The following ANKRD44 variants were observed in gnomAD, a reference collection of about 807,000 sequenced individuals.
ANKRD44 encodes ankyrin repeat domain 44.
In ANKRD44, 35 loss-of-function variants were observed where a neutral mutation model predicts 116.0. The observed-to-expected ratio is 0.30, with a 90% confidence interval of 0.23 to 0.40. The LOEUF is 0.40. ANKRD44 is among the 10% of genes least tolerant of loss of function. The pLI is 1.00. For missense variants in ANKRD44, 1,014 were observed against 1,242.6 expected (o/e 0.82, Z 2.77); for synonymous variants, 435 against 461.8 (o/e 0.94, Z 0.74).
intron 9 of ANKRD44, among the ~76,000 whole-genome samples, chr2:197,109,488 G>C (rs2078515147): frequency 6.6e-6 from 1 of 152,056 alleles, no homozygotes; most frequent in Non-Finnish European, 1.5e-5. Flanking sequence ...CCTTTGCTTT[G>C]CTGCAGATAT....
At chr2:197,147,721 G>A in intron 2 of ANKRD44, 1 of 252,298 alleles carries the variant, frequency 4.0e-6, no homozygotes, top group South Asian at 3.7e-5. Flanking sequence ...AAGTGGGAAG[G>A]CTGACAATAG....
intron 1 of ANKRD44, among the ~76,000 whole-genome samples, chr2:197,267,536 T>C (rs886141612): frequency 1.3e-5 from 2 of 152,250 alleles, no homozygotes; most frequent in African/African-American, 4.8e-5. Context: ...CATTTTTTAA[T>C]GTTTCTTGAT....
intron 16 of ANKRD44, among the ~76,000 whole-genome samples, chr2:197,027,541 A>C (rs947386989): frequency 1.3e-5 from 2 of 152,134 alleles, no homozygotes; most frequent in Admixed American, 6.5e-5. Flanking sequence ...ACCAGCAGGA[A>C]GACTCAGACT....
chr2:197,307,647 C>T (rs2084113825), intron 1 of ANKRD44, among the ~76,000 whole-genome samples: 1 of 151,292 alleles, frequency 6.6e-6, no homozygotes, highest in Admixed American at 6.6e-5. Flanking sequence ...CATTTTCCTT[C>T]TCTTACAAGA....
chr2:197,086,380 C>G (rs1226944583), intron 13 of ANKRD44, among the ~76,000 whole-genome samples: 5 of 151,966 alleles, frequency 3.3e-5, no homozygotes, highest in African/African-American at 7.3e-5. Flanking sequence ...GTGTTCCACT[C>G]TGCTAGAAAC....
At chr2:197,102,695 C>A (rs1454163007) in intron 9 of ANKRD44, among the ~76,000 whole-genome samples, 3 of 151,864 alleles carry the variant, frequency 2.0e-5, no homozygotes, top group African/African-American at 7.3e-5. Context: ...AAACCATATA[C>A]ACATATGTAT....
intron 9 of ANKRD44, among the ~76,000 whole-genome samples, chr2:197,109,251 C>T (rs1185266716): frequency 6.6e-6 from 1 of 152,162 alleles, no homozygotes; most frequent in Non-Finnish European, 1.5e-5. Context: ...GCATAAGAGA[C>T]GTGCTCGAAA....
At chr2:197,122,124 C>A (rs1350110474) in intron 7 of ANKRD44, among the ~76,000 whole-genome samples, 1 of 152,058 alleles carries the variant, frequency 6.6e-6, no homozygotes. Context: ...GAGACCTGCC[C>A]TGGATGCCTG....
Position 197,252,740 on chromosome 2 carries a change from CT to C in ANKRD44, c.27+57837del, listed in dbSNP as rs558410036. On this transcript the variant is annotated intron_variant, in intron 1 of 27. Transcript: ENST00000282272. ...TCAAATATTTTAGCTGCAAAATTCT[CT>C]TTTTAAACTAAATCTTTATAAGAAC... 6.6e-5 allele frequency among the ~76,000 whole-genome samples: 10 copies of C among 152,194 alleles called. No homozygotes were observed. The South Asian group carries it at 1.2e-3, about 19-fold the overall frequency.
At chr2:197,248,096 T>C (rs2082231301) in intron 1 of ANKRD44, among the ~76,000 whole-genome samples, 1 of 152,180 alleles carries the variant, frequency 6.6e-6, no homozygotes, top group Admixed American at 6.5e-5. Flanking sequence ...CACTTGTCCC[T>C]CCTGGCTGCC....
chr2:197,258,772 G>A (rs967838809), intron 1 of ANKRD44, among the ~76,000 whole-genome samples: 4 of 152,182 alleles, frequency 2.6e-5, no homozygotes, highest in Admixed American at 2.0e-4. Context: ...TTTTCAGATA[G>A]TCACACTGAT....
chr2:197,131,489 C>A lies in ANKRD44; in HGVS notation c.261+5103G>T, dbSNP rs73051372. On this transcript the variant is annotated intron_variant, in intron 4 of 27. Coordinates refer to ENST00000282272, the MANE Select transcript of ANKRD44 (RefSeq NM_001195144.2). ...TACAGGCGTGAGCCACCGCGCCCGG[C>A]GATAGTAAGTACTTAATAAACACTC... Among the ~76,000 whole-genome samples the A allele has an allele frequency of 5.7e-3, 861 of 152,260 alleles. 10 individuals carry two copies. Among genetic ancestry groups the A allele is most frequent in the African/African-American group, 0.02 (822 of 41,554 alleles).
intron 1 of ANKRD44, among the ~76,000 whole-genome samples, chr2:197,245,240 A>G (rs1228720931): frequency 2.0e-5 from 3 of 152,370 alleles, no homozygotes; most frequent in African/African-American, 7.2e-5. Context: ...AGCCTGGGCA[A>G]CAGAGCAAGA....
intron 2 of ANKRD44, among the ~76,000 whole-genome samples, chr2:197,164,712 C>A (rs2080063956): frequency 6.6e-6 from 1 of 152,192 alleles, no homozygotes; most frequent in Non-Finnish European, 1.5e-5. Flanking sequence ...TTTGGGCCTG[C>A]CGCCTCCTCA....
At chr2:196,978,073 T>C (rs2075772887) in intron 21 of ANKRD44, among the ~76,000 whole-genome samples, 1 of 152,188 alleles carries the variant, frequency 6.6e-6, no homozygotes, top group African/African-American at 2.4e-5. Context: ...ACAGTTTGGA[T>C]GTTTGTTCCC....
chr2:197,122,773 T>C lies in ANKRD44; in HGVS notation c.570A>G (p.Ala190=), dbSNP rs1364819355. Residue 190 remains alanine, a synonymous_variant, in exon 7 of 28, where the codon GCA becomes GCG. Coordinates refer to ENST00000282272, the MANE Select transcript of ANKRD44 (RefSeq NM_001195144.2). ...AAYMGHLDVV[A]LLINHGAEVT... is the part of the protein sequence containing the mutation. ...CTTCTGCGCCATGGTTAATGAGCAA[T>C]GCTACAACATCCAAGTGGCCTTTAC... is the stretch of plus-strand genomic sequence containing the variant. 1 of 1,613,984 alleles carries C rather than the reference T, an allele frequency of 6.2e-7. No individual in the cohort carries two copies. Among genetic ancestry groups the C allele is most frequent in the Non-Finnish European group, 8.5e-7 (1 of 1,179,940 alleles).
Position 197,086,744 on chromosome 2 carries a change from C to A in ANKRD44, c.1252G>T (p.Val418Leu). 6.2e-7 allele frequency: 1 copy of A among 1,613,720 alleles called. No homozygotes were observed. The highest frequency in any genetic ancestry group is 1.3e-5 in the African/African-American group (1 of 75,038). ...CTCTGCAAGAGTTTTATACATTCCACATTACTAGAAAGACAGGGAAAACAT... is the reference window on the plus strand; with the variant it reads ...CTCTGCAAGAGTTTTATACATTCCAAATTACTAGAAAGACAGGGAAAACAT... The part of the protein sequence containing the change: ...CLHAAAAGGN[V>L]ECIKLLQSSG... Residue 418 changes from valine (V) to leucine (L), a missense_variant, in exon 13 of 28, where the codon GTG (valine) becomes TTG (leucine). By Grantham distance (32) the Val-to-Leu change is conservative. Coordinates refer to ENST00000282272, the MANE Select transcript of ANKRD44 (RefSeq NM_001195144.2).
At chr2:197,109,801 A>G (rs1265495430) in intron 9 of ANKRD44, among the ~76,000 whole-genome samples, 1 of 152,142 alleles carries the variant, frequency 6.6e-6, no homozygotes, top group African/African-American at 2.4e-5. Flanking sequence ...AAGATTTACT[A>G]ATAGAAGTGA....
chr2:197,029,558 T>C (rs559182650), intron 16 of ANKRD44: 38 of 478,556 alleles, frequency 7.9e-5, no homozygotes, highest in African/African-American at 5.8e-4. Context: ...ACATCCCACA[T>C]GCCCACCAAG....
Sources: allele counts gnomAD v4.1 joint callset (sites outside exome capture counted in the v4.1 genomes callset), GRCh38; gene constraint gnomAD v4.1.1; transcripts MANE v1.5; gene names NCBI Gene and HGNC (gene_info 2026-07-23, HGNC 2026-07-21).